The following STARD13 variants were observed in gnomAD, a reference collection of about 807,000 sequenced individuals.
The protein encoded by STARD13 is stAR-related lipid transfer protein 13.
A neutral mutation model predicts 106.4 loss-of-function variants in STARD13; 62 were observed. That is an observed-to-expected ratio of 0.58 (90% CI 0.48 to 0.72). The LOEUF is 0.72. STARD13 is among the 30% of genes least tolerant of loss of function. The pLI is 0.00. For synonymous variants in STARD13, 565 were observed against 553.0 expected, an observed-to-expected ratio of 1.02 and a Z score of -0.31; for missense variants, 1,387 against 1,424.0, an observed-to-expected ratio of 0.97 and a Z score of 0.42.
chr13:33,162,729 G>A lies in STARD13; in HGVS notation c.323+2608C>T, dbSNP rs527938931. On this transcript the variant is annotated intron_variant, in intron 3 of 13. Coordinates refer to ENST00000336934, the MANE Select transcript of STARD13 (RefSeq NM_178006.4). ...GTCCATCTGAGACAACCTCAACCTGGACTTTATTATTCATATCACTATCAG... is the reference window on the plus strand; with the variant it reads ...GTCCATCTGAGACAACCTCAACCTGAACTTTATTATTCATATCACTATCAG... Among the ~76,000 whole-genome samples the A allele has an allele frequency of 2.0e-5, 3 of 150,606 alleles. No individual in the cohort carries two copies. In the South Asian group the frequency reaches 6.4e-4, roughly 32 times the overall value.
the STARD13 span, among the ~76,000 whole-genome samples, chr13:33,597,378 G>C: frequency 6.6e-6 from 1 of 150,656 alleles, no homozygotes; most frequent in Non-Finnish European, 1.5e-5. Context: ...AAATGGAATT[G>C]TTTGGGTTTC....
At chr13:33,501,868 T>G in the STARD13 span, among the ~76,000 whole-genome samples, 1 of 152,162 alleles carries the variant, frequency 6.6e-6, no homozygotes, top group Non-Finnish European at 1.5e-5. Context: ...CAGGCTCTTT[T>G]TTTTTGGTTC....
intron 7 of STARD13, 127 bp downstream of exon 7, chr13:33,125,954 A>T: frequency 2.4e-6 from 2 of 830,052 alleles, no homozygotes; most frequent in East Asian, 5.2e-5. Flanking sequence ...AAAGGTCACA[A>T]TGCCTTTTAT....
At chr13:33,348,498 G>A (rs2078039511), downstream of STARD13, 1 of 152,448 alleles carries the variant, frequency 6.6e-6, no homozygotes, top group East Asian at 1.9e-4. Flanking sequence ...ACCCAGCACA[G>A]CCTTGGCAGG....
the STARD13 span, among the ~76,000 whole-genome samples, chr13:33,459,716 C>T: frequency 1.3e-5 from 2 of 152,154 alleles, no homozygotes; most frequent in African/African-American, 2.4e-5. Flanking sequence ...GCCTAAAGGA[C>T]TTCCTTTAAC....
At chr13:33,643,770 T>C in the STARD13 span, among the ~76,000 whole-genome samples, 1 of 152,216 alleles carries the variant, frequency 6.6e-6, no homozygotes, top group African/African-American at 2.4e-5. Flanking sequence ...ACTGCACGCT[T>C]CTTAAACTTC....
the STARD13 span, among the ~76,000 whole-genome samples, chr13:33,415,005 A>G: frequency 6.6e-6 from 1 of 152,178 alleles, no homozygotes; most frequent in Non-Finnish European, 1.5e-5. Context: ...GTAATTTGTT[A>G]CATGGCAATA....
At chr13:33,373,686 A>T in the STARD13 span, among the ~76,000 whole-genome samples, 1 of 152,166 alleles carries the variant, frequency 6.6e-6, no homozygotes, top group Non-Finnish European at 1.5e-5. Context: ...CAATGAAAAG[A>T]TGCTCAATAT....
In STARD13 at chr13:33,158,191, A is replaced by AAGAGAGAGAGAG. The variant is rs371245565; in HGVS notation, c.323+7134_323+7145dup. Among the ~76,000 whole-genome samples the AAGAGAGAGAGAG allele has an allele frequency of 7.7e-4, 115 of 148,626 alleles. No individual in the cohort carries two copies. The Middle Eastern group carries it at 0.011, about 14-fold the overall frequency. On this transcript the variant is annotated intron_variant, in intron 3 of 13. Transcript: ENST00000336934. ...GGGCCTAAAATGAGAGCTAGAGAGA[A>AAGAGAGAGAGAG]AGAGAGAGAGAGAGAGAGAGCAAGA...
At chr13:33,164,493 T>C (rs1227407643) in intron 3 of STARD13, 1 of 152,216 alleles carries the variant, frequency 6.6e-6, no homozygotes, top group East Asian at 1.9e-4. Context: ...ACTAGCTGTA[T>C]GGCCTTGGTA....
At chr13:33,211,076 T>C (rs1054682755) in intron 1 of STARD13, among the ~76,000 whole-genome samples, 2 of 152,140 alleles carry the variant, frequency 1.3e-5, no homozygotes, top group African/African-American at 4.8e-5. Flanking sequence ...AGTTATTGTA[T>C]AGGACAGGAT....
At chr13:33,374,248 G>A in the STARD13 span, among the ~76,000 whole-genome samples, 1 of 152,136 alleles carries the variant, frequency 6.6e-6, no homozygotes, top group African/African-American at 2.4e-5. Context: ...AATTCATACA[G>A]ACAAAAAGTA....
At chr13:33,262,057 A>G (rs1441276592) in intron 1 of STARD13, among the ~76,000 whole-genome samples, 1 of 152,220 alleles carries the variant, frequency 6.6e-6, no homozygotes, top group Non-Finnish European at 1.5e-5. Flanking sequence ...GTGAAGAGAG[A>G]CTGCCTTAAG....
chr13:33,219,154 A>C (rs1017846775), intron 1 of STARD13, among the ~76,000 whole-genome samples: 13 of 152,144 alleles, frequency 8.5e-5, no homozygotes, highest in African/African-American at 2.9e-4. Flanking sequence ...CTTTCCATGG[A>C]CTGAGGGAGA....
intron 3 of STARD13, among the ~76,000 whole-genome samples, chr13:33,156,432 C>A (rs1347745697): frequency 6.6e-6 from 1 of 152,162 alleles, no homozygotes; most frequent in Non-Finnish European, 1.5e-5. Context: ...AATGGCTCCA[C>A]TGGCAACACT....
chr13:33,320,336 T>C (rs1893509803), intron 1 of STARD13, among the ~76,000 whole-genome samples: 1 of 152,122 alleles, frequency 6.6e-6, no homozygotes, highest in Admixed American at 6.5e-5. Context: ...GAGACCACAC[T>C]CCAGGATTCC....
intron 5 of STARD13, among the ~76,000 whole-genome samples, chr13:33,128,174 G>C (rs1877529654): frequency 6.6e-6 from 1 of 151,984 alleles, no homozygotes; most frequent in Non-Finnish European, 1.5e-5. Flanking sequence ...GACAAAGAGA[G>C]AAAGAGAGAG....
At chr13:33,321,225 C>T (rs1172967431) in intron 1 of STARD13, among the ~76,000 whole-genome samples, 1 of 152,094 alleles carries the variant, frequency 6.6e-6, no homozygotes, top group African/African-American at 2.4e-5. Context: ...AATAAATAGG[C>T]CAGGTGTGGT....
At chr13:33,429,548 G>A in the STARD13 span, among the ~76,000 whole-genome samples, 4 of 151,660 alleles carry the variant, frequency 2.6e-5, no homozygotes, top group African/African-American at 7.3e-5. Context: ...AAAAGAAAAT[G>A]TGGTACATAC....
Sources: gnomAD v4.1 joint callset for allele counts (sites outside exome capture counted in the v4.1 genomes callset) on GRCh38, gnomAD v4.1.1 for gene constraint, MANE v1.5 for transcripts, NCBI Gene and HGNC (gene_info 2026-07-23, HGNC 2026-07-21) for gene names.